Variants in JAKMIP1 observed in about 807,000 individuals in gnomAD.
JAKMIP1 encodes the protein janus kinase and microtubule-interacting protein 1.
JAKMIP1 carries 33 observed loss-of-function variants against 113.0 expected under a neutral mutation model. The ratio of observed to expected loss-of-function variants is 0.29; its 90% CI spans 0.22 to 0.39. The LOEUF is 0.39. Among genes scored for constraint, JAKMIP1 ranks in the 10% least tolerant of loss-of-function variants. JAKMIP1 has a pLI of 1.00. For missense variants in JAKMIP1, 813 were observed against 1,080.5 expected (o/e 0.75, Z 3.47); for synonymous variants, 480 against 459.9 (o/e 1.04, Z -0.56).
At chr4:6,099,752 C>T (rs1712692194) in intron 3 of JAKMIP1, among the ~76,000 whole-genome samples, 1 of 152,212 alleles carries the variant, frequency 6.6e-6, no homozygotes, top group African/African-American at 2.4e-5. Context: ...TTTGGTGGTA[C>T]AGCCTCTGGC....
In JAKMIP1 at chr4:6,106,970, G is replaced by A. The variant is rs1456560709; in HGVS notation, c.130-1003C>T. 6.6e-6 allele frequency among the ~76,000 whole-genome samples: 1 copy of A among 152,174 alleles called. No homozygotes were observed. The highest frequency in any genetic ancestry group is 2.4e-5 in the African/African-American group (1 of 41,440). ...TGTTAAAATTAATTTTAGGTGAGAA[G>A]TTTTACAATGGCACCTGAGTATTGA... On this transcript the variant is annotated intron_variant, in intron 2 of 20. Coordinates refer to ENST00000409021, the MANE Select transcript of JAKMIP1 (RefSeq NM_001099433.2). This position sits in a 1 kb window ranked among gnomAD's most constrained non-coding sequence, Gnocchi z 5.9.
At chr4:6,060,571 C>A in intron 10 of JAKMIP1, 64 bp from the exon 11 acceptor site, 1 of 1,227,030 alleles carries the variant, frequency 8.1e-7, no homozygotes, top group South Asian at 1.2e-5. Flanking sequence ...AAGCGGAAAG[C>A]GTCATGCCCC....
intron 18 of JAKMIP1, among the ~76,000 whole-genome samples, chr4:6,036,600 C>T (rs1713473942): frequency 6.6e-6 from 1 of 151,784 alleles, no homozygotes; most frequent in Non-Finnish European, 1.5e-5. Context: ...TTTTAATTGC[C>T]CCTAACCCCC....
At position 6,042,323 on chromosome 4, in the gene JAKMIP1, C is replaced by T. The variant is rs1714435447; in HGVS notation, c.2029-96G>A. On this transcript the variant is annotated intron_variant, in intron 16 of 20. Coordinates refer to ENST00000409021, the MANE Select transcript of JAKMIP1 (RefSeq NM_001099433.2). The surrounding 1 kb of genome is among the most constrained non-coding windows in gnomAD (Gnocchi z 5.2). ...CAGGTGTGTGAATTTCATAGATCGG[C>T]TTCCTCAGAGTGTGCTCAGGAATGG... 1.0e-6 allele frequency: 1 copy of T among 985,076 alleles called. No individual in the cohort carries two copies. Among genetic ancestry groups the T allele is most frequent in the South Asian group, 1.3e-5 (1 of 76,258 alleles). 61.0% of individuals were successfully genotyped at this position (985,076 alleles called of 1,614,324 possible).
chr4:6,112,756 C>T lies in JAKMIP1; in HGVS notation c.95G>A (p.Ser32Asn), dbSNP rs749428331. 6.2e-7 allele frequency: 1 copy of T among 1,614,060 alleles called. No homozygotes were observed. Among genetic ancestry groups the T allele is most frequent in the South Asian group, 1.1e-5 (1 of 91,090 alleles). The change falls in exon 2 of 21, where the codon AGC becomes AAC. Residue 32 changes from serine (S) to asparagine (N), a missense_variant. By Grantham distance (46) the Ser-to-Asn change is conservative. This residue lies in a region of JAKMIP1 where 540 missense variants were observed against 653.9 expected (regional missense o/e 0.83). Transcript: ENST00000409021. ...ANEELRAKLT[S>N]IQIEFQQEKS... ...TTCCTGCTGGAACTCGATCTGAATG[C>T]TGGTCAGCTTGGCCCGCAGCTCCTC...
intron 13 of JAKMIP1, among the ~76,000 whole-genome samples, chr4:6,052,663 A>T (rs1158222200): frequency 6.6e-6 from 1 of 151,628 alleles, no homozygotes; most frequent in Non-Finnish European, 1.5e-5. Context: ...AAAAAAAAAA[A>T]AAAAAAAAAA....
chr4:6,081,478 T>G lies in JAKMIP1; in HGVS notation c.1101+131A>C, dbSNP rs759541755. ...AAGGCGAGACATCTGTGACTGACACTGTGCCTGGTGCTTTGTGGGGAGGTG... is the reference window on the plus strand; with the variant it reads ...AAGGCGAGACATCTGTGACTGACACGGTGCCTGGTGCTTTGTGGGGAGGTG... On this transcript the variant is annotated intron_variant, in intron 6 of 20. Coordinates refer to ENST00000409021, the MANE Select transcript of JAKMIP1 (RefSeq NM_001099433.2). The surrounding 1 kb of genome is among the most constrained non-coding windows in gnomAD (Gnocchi z 4.6). 6.3e-6 allele frequency: 6 copies of G among 957,532 alleles called. No individual in the cohort carries two copies. The highest frequency in any genetic ancestry group is 1.6e-5 in the African/African-American group (1 of 61,380). 59.3% of individuals were successfully genotyped at this position (957,532 alleles called of 1,614,324 possible). A position where few individuals can be genotyped will look rare whatever the true frequency, so the allele number is the denominator to read the frequency against.
intron 5 of JAKMIP1, among the ~76,000 whole-genome samples, chr4:6,082,501 T>C (rs1158075714): frequency 6.6e-6 from 1 of 151,532 alleles, no homozygotes; most frequent in East Asian, 2.0e-4. Context: ...AGAAGGTAGG[T>C]AAAATGACAT....
At chr4:6,032,784 G>A (rs1712907025) in intron 19 of JAKMIP1, among the ~76,000 whole-genome samples, 2 of 152,212 alleles carry the variant, frequency 1.3e-5, no homozygotes, top group African/African-American at 4.8e-5. Flanking sequence ...AGGGGCTCTA[G>A]AGGGCTTCGA....
At chr4:6,039,648 G>T (rs1056231122) in intron 18 of JAKMIP1, among the ~76,000 whole-genome samples, 22 of 152,152 alleles carry the variant, frequency 1.4e-4, no homozygotes, top group African/African-American at 4.8e-4. Flanking sequence ...AGAGGGAAAT[G>T]CTGTGTCTTG....
Position 6,143,489 on chromosome 4 carries a change from C to T in JAKMIP1, c.-147-30492G>A, listed in dbSNP as rs982801046. Among the ~76,000 whole-genome samples, 9 of 152,346 alleles carry T rather than the reference C, an allele frequency of 5.9e-5. No individual in the cohort carries two copies. In the South Asian group the frequency reaches 1.9e-3, roughly 32 times the overall value. ...TGCCACCTCACACTCCACAATGGGA[C>T]AAGAGGCAGGCCTGCTGGATCCGGC... On this transcript the variant is annotated intron_variant, in intron 1 of 20. Coordinates refer to ENST00000409021, the MANE Select transcript of JAKMIP1 (RefSeq NM_001099433.2). This position sits in a 1 kb window ranked among gnomAD's most constrained non-coding sequence, Gnocchi z 4.9.
chr4:6,092,634 G>A (rs1483200818), intron 3 of JAKMIP1, among the ~76,000 whole-genome samples: 1 of 152,272 alleles, frequency 6.6e-6, no homozygotes, highest in Non-Finnish European at 1.5e-5. Context: ...ACAGCATAGT[G>A]AGGTCTGCAG....
At position 6,155,596 on chromosome 4, in the gene JAKMIP1, C is replaced by T. The variant is rs368545740; in HGVS notation, c.-147-42599G>A. 7.5e-4 allele frequency among the ~76,000 whole-genome samples: 114 copies of T among 152,250 alleles called. No homozygotes were observed. The highest frequency in any genetic ancestry group is 2.0e-3 in the African/African-American group (85 of 41,552). On this transcript the variant is annotated intron_variant, in intron 1 of 20. Coordinates refer to ENST00000409021, the MANE Select transcript of JAKMIP1 (RefSeq NM_001099433.2). This position sits in a 1 kb window ranked among gnomAD's most constrained non-coding sequence, Gnocchi z 6.1. ...TACCTGATTTCCCCTAAAGAACTCACGGAGGATTTACGCGCATATTCAGCT... is the reference window on the plus strand; with the variant it reads ...TACCTGATTTCCCCTAAAGAACTCATGGAGGATTTACGCGCATATTCAGCT...
chr4:6,084,749 G>T lies in JAKMIP1; in HGVS notation c.954+97C>A, dbSNP rs183219741. On this transcript the variant is annotated intron_variant, in intron 5 of 20. Transcript: ENST00000409021. ...GAAGGAAAGTTCAGAGAACCAGAAG[G>T]CTTCTGCATTAACTTTCTGTGCAGG... 1,063 of 1,230,004 alleles carry T rather than the reference G, an allele frequency of 8.6e-4. 20 individuals are homozygous for T. The South Asian group carries it at 0.013, about 15-fold the overall frequency. The allele number at this position is 1,230,004 out of a possible 1,614,324, so 76.2% of individuals were successfully genotyped here.
In JAKMIP1 at chr4:6,179,728, A is replaced by G. The variant is rs1038666357; in HGVS notation, c.-148+20525T>C. Among the ~76,000 whole-genome samples, 1 of 152,366 alleles carries G rather than the reference A, an allele frequency of 6.6e-6. No homozygotes were observed. Among genetic ancestry groups the G allele is most frequent in the East Asian group, 1.9e-4 (1 of 5,184 alleles). ...AAACCAAGAGCTGCCACTCAAAAGA[A>G]GAGACTATTCTATGCCAGGTAGTAT... On this transcript the variant is annotated intron_variant, in intron 1 of 20. Coordinates refer to ENST00000409021, the MANE Select transcript of JAKMIP1 (RefSeq NM_001099433.2). This position sits in a 1 kb window ranked among gnomAD's most constrained non-coding sequence, Gnocchi z 4.5.
intron 19 of JAKMIP1, among the ~76,000 whole-genome samples, chr4:6,035,378 C>T (rs1179925383): frequency 6.6e-6 from 1 of 152,130 alleles, no homozygotes; most frequent in African/African-American, 2.4e-5. Flanking sequence ...AAATGCTCTG[C>T]ATGATGCTGC....
chr4:6,118,471 G>A (rs1716176601), intron 1 of JAKMIP1, among the ~76,000 whole-genome samples: 1 of 152,180 alleles, frequency 6.6e-6, no homozygotes, highest in Non-Finnish European at 1.5e-5. Flanking sequence ...GGGCTGCAGA[G>A]ATATTTCAGT....
At chr4:6,048,365 T>C (rs16838112) in intron 16 of JAKMIP1, among the ~76,000 whole-genome samples, 16,532 of 152,236 alleles carry the variant, frequency 0.11, 1,988 homozygotes, top group African/African-American at 0.3. Context: ...TAGATAGAAA[T>C]TTATGTGTAA....
At position 6,080,277 on chromosome 4, in the gene JAKMIP1, C is replaced by A. The variant is rs376708264; in HGVS notation, c.1137G>T (p.Arg379=). ...GGCTGAGGTCATTCAAGGAGGTATG[C>A]CGCTTCAGAGACGCCTGCGCTGACA... ...EKLSAQASLK[R]HTSLNDLSLT... The change falls in exon 7 of 21, where the codon CGG becomes CGT. Residue 379 remains arginine, a synonymous_variant. Coordinates refer to ENST00000409021, the MANE Select transcript of JAKMIP1 (RefSeq NM_001099433.2). This position sits in a 1 kb window ranked among gnomAD's most constrained non-coding sequence, Gnocchi z 6.0. 30 of 1,614,050 alleles carry A rather than the reference C, an allele frequency of 1.9e-5. No homozygotes were observed. The highest frequency in any genetic ancestry group is 2.5e-5 in the Non-Finnish European group (30 of 1,180,016).
Sources: gnomAD v4.1 joint callset for allele counts (sites outside exome capture counted in the v4.1 genomes callset) on GRCh38, gnomAD v4.1.1 for gene constraint, gnomAD v4.1.1 regional missense constraint, Gnocchi (gnomAD v3.1) non-coding constraint, MANE v1.5 for transcripts, NCBI Gene and HGNC (gene_info 2026-07-23, HGNC 2026-07-21) for gene names.